PRR16: variants seen among roughly 807,000 people sequenced by gnomAD.
The protein encoded by PRR16 is proline rich 16, also known as protein Largen.
A neutral mutation model predicts 18.2 loss-of-function variants in PRR16; 6 were observed. That is an observed-to-expected ratio of 0.33 (90% confidence interval 0.18 to 0.65). PRR16 has a LOEUF of 0.65. Among genes scored for constraint, PRR16 ranks in the 30% least tolerant of loss-of-function variants. The probability of loss-of-function intolerance (pLI) is 0.74; values close to 1 mark genes in which losing one functional copy is unlikely to be tolerated. For missense variants in PRR16, 412 were observed against 376.6 expected, an observed-to-expected ratio of 1.09 and a Z score of -0.78; for synonymous variants, 151 against 147.8, an observed-to-expected ratio of 1.02 and a Z score of -0.16.
At chr5:120,613,740 G>C (rs1406240480) in intron 1 of PRR16, among the ~76,000 whole-genome samples, 1 of 152,004 alleles carries the variant, frequency 6.6e-6, no homozygotes, top group Non-Finnish European at 1.5e-5. Flanking sequence ...TTAGATGATG[G>C]CCACTAATAA....
chr5:120,589,075 A>T (rs992423503), intron 1 of PRR16, among the ~76,000 whole-genome samples: 3 of 152,110 alleles, frequency 2.0e-5, no homozygotes, highest in Admixed American at 6.6e-5. Flanking sequence ...TAAAGTAGAG[A>T]TGATAATAAA....
intron 1 of PRR16, among the ~76,000 whole-genome samples, chr5:120,600,169 T>A (rs1055995110): frequency 3.3e-5 from 5 of 151,900 alleles, no homozygotes; most frequent in Non-Finnish European, 7.4e-5. Context: ...AATTTTTTTT[T>A]CTGTTTATGT....
intron 1 of PRR16, among the ~76,000 whole-genome samples, chr5:120,526,985 A>G (rs1353469609): frequency 6.6e-6 from 1 of 152,146 alleles, no homozygotes; most frequent in Non-Finnish European, 1.5e-5. Context: ...TGTTTAGCTG[A>G]AGCTTTATGC....
At chr5:120,725,845 G>A in the PRR16 span, among the ~76,000 whole-genome samples, 1 of 151,970 alleles carries the variant, frequency 6.6e-6, no homozygotes, top group Non-Finnish European at 1.5e-5. Flanking sequence ...ATGAATTAAT[G>A]AATGAGTGAA....
chr5:120,642,552 A>G (rs146436976), intron 1 of PRR16, among the ~76,000 whole-genome samples: 3 of 151,780 alleles, frequency 2.0e-5, no homozygotes, highest in Non-Finnish European at 4.4e-5. Context: ...TGGTATGTAA[A>G]CTCTTACTTA....
intron 1 of PRR16, among the ~76,000 whole-genome samples, chr5:120,637,624 C>T (rs1755281497): frequency 8.6e-6 from 1 of 116,596 alleles, no homozygotes; most frequent in Non-Finnish European, 1.9e-5. Flanking sequence ...AAGAATGATA[C>T]ATTGGACTTT....
chr5:120,747,161 T>A, the PRR16 span, among the ~76,000 whole-genome samples: 1 of 152,176 alleles, frequency 6.6e-6, no homozygotes, highest in African/African-American at 2.4e-5. Flanking sequence ...ACCCCAAACA[T>A]ATTTTTTCAT....
At chr5:120,629,489 CA>C (rs1411263283) in intron 1 of PRR16, among the ~76,000 whole-genome samples, 1 of 152,098 alleles carries the variant, frequency 6.6e-6, no homozygotes, top group Non-Finnish European at 1.5e-5. Context: ...GCCTCTTCAA[CA>C]TTGAAAGCAT....
At chr5:120,710,090 C>T in the PRR16 span, among the ~76,000 whole-genome samples, 2 of 152,094 alleles carry the variant, frequency 1.3e-5, no homozygotes, top group Non-Finnish European at 2.9e-5. Context: ...ACATTCCTAC[C>T]AACAGTGTAT....
chr5:120,680,285 G>T (rs1046396875), intron 1 of PRR16, among the ~76,000 whole-genome samples: 2 of 151,964 alleles, frequency 1.3e-5, no homozygotes, highest in Non-Finnish European at 2.9e-5. Context: ...TAAACTACCT[G>T]TGCTTGTATG....
intron 1 of PRR16, among the ~76,000 whole-genome samples, chr5:120,610,790 G>A (rs1754309982): frequency 6.6e-6 from 1 of 152,128 alleles, no homozygotes; most frequent in African/African-American, 2.4e-5. Flanking sequence ...GACTAACACA[G>A]TAAATTGGTA....
At chr5:120,656,852 A>G (rs532384232) in intron 1 of PRR16, among the ~76,000 whole-genome samples, 8 of 152,116 alleles carry the variant, frequency 5.3e-5, no homozygotes, top group East Asian at 3.9e-4. Context: ...TGTGCACAGA[A>G]TAATGTTCCT....
intron 1 of PRR16, among the ~76,000 whole-genome samples, chr5:120,575,980 A>G (rs551286533): frequency 6.6e-6 from 1 of 152,356 alleles, no homozygotes; most frequent in African/African-American, 2.4e-5. Flanking sequence ...ATGATGCAGA[A>G]GAAGGCAGTT....
At chr5:120,702,265 AGGG>A in the PRR16 span, among the ~76,000 whole-genome samples, 2 of 49,852 alleles carry the variant, frequency 4.0e-5, no homozygotes, top group African/African-American at 9.9e-5. Flanking sequence ...CACGGAAATA[AGGG>A]GTCGGGGCAT....
chr5:120,771,929 A>G, the PRR16 span, among the ~76,000 whole-genome samples: 1 of 151,844 alleles, frequency 6.6e-6, no homozygotes, highest in Non-Finnish European at 1.5e-5. Context: ...ATTAGATCAA[A>G]TAAGAAAAAA....
the PRR16 span, among the ~76,000 whole-genome samples, chr5:120,794,347 GC>G: frequency 6.6e-6 from 1 of 152,018 alleles, no homozygotes; most frequent in Non-Finnish European, 1.5e-5. Context: ...CCTATATGGG[GC>G]AAGTCTATCA....
At chr5:120,716,782 G>T in the PRR16 span, among the ~76,000 whole-genome samples, 1 of 152,152 alleles carries the variant, frequency 6.6e-6, no homozygotes, top group Non-Finnish European at 1.5e-5. Flanking sequence ...TAAAGCAGGA[G>T]AATTGCTCAA....
At chr5:120,750,496 T>TA in the PRR16 span, among the ~76,000 whole-genome samples, 2,346 of 145,992 alleles carry the variant, frequency 0.016, 51 homozygotes, top group African/African-American at 0.052. Flanking sequence ...CTGTCTCTAC[T>TA]AAAAAAAAAA....
At chr5:120,563,834 C>A (rs141352707) in intron 1 of PRR16, among the ~76,000 whole-genome samples, 295 of 152,294 alleles carry the variant, frequency 1.9e-3, no homozygotes, top group African/African-American at 6.7e-3. Flanking sequence ...ACTATTTCAC[C>A]ATAGCCACCA....
Sources: allele counts gnomAD v4.1 joint callset (sites outside exome capture counted in the v4.1 genomes callset), GRCh38; gene constraint gnomAD v4.1.1; transcripts MANE v1.5; gene names NCBI Gene and HGNC (gene_info 2026-07-23, HGNC 2026-07-21).